DGKG: variants seen among roughly 807,000 people sequenced by gnomAD.
The protein encoded by DGKG is DAG kinase gamma.
A neutral mutation model predicts 105.3 loss-of-function variants in DGKG; 78 were observed. The observed-to-expected ratio is 0.74, with a 90% CI of 0.62 to 0.89. DGKG has a LOEUF of 0.89. Ranked by LOEUF, DGKG falls within the 40% of genes least tolerant of loss-of-function variation. The pLI is 0.00. For synonymous variants in DGKG, 346 were observed against 367.1 expected (o/e 0.94, Z 0.66); for missense variants, 958 against 1,020.1 (o/e 0.94, Z 0.83).
rs759822125 is a variant in DGKG at position 186,267,773 on chromosome 3, T to A, written c.1121A>T (p.His374Leu). 6.2e-7 allele frequency: 1 copy of A among 1,613,286 alleles called. No homozygotes were observed. The highest frequency in any genetic ancestry group is 1.3e-5 in the African/African-American group (1 of 74,748). Residue 374 changes from histidine (H) to leucine (L), a missense_variant, in exon 13 of 25, where the codon CAC (histidine) becomes CTC (leucine). Around this residue, in one of 2 missense-constraint regions of DGKG, gnomAD observed 643 missense variants for 619.5 expected, o/e 1.04. Transcript: ENST00000265022. ...CAACGTTGATAATTCACATTTGCGG[T>A]GAAACTGGGGGGAGAAATGAAAAAG... The part of the protein sequence containing the change: ...RHCVWCRMTF[H>L]RKCELSTLCD...
At chr3:186,297,582 T>C in intron 4 of DGKG, 99 bp from the exon 5 acceptor site, 1 of 825,916 alleles carries the variant, frequency 1.2e-6, no homozygotes, top group Non-Finnish European at 2.1e-6. Context: ...TTGCCTTGAT[T>C]GTGTCTGTGT....
At chr3:186,275,769 G>T in intron 9 of DGKG, 105 bp from the exon 10 acceptor site, 1 of 693,320 alleles carries the variant, frequency 1.4e-6, no homozygotes, top group Non-Finnish European at 2.3e-6. Flanking sequence ...TTTAGAAGAT[G>T]AGTTATTGAT....
intron 2 of DGKG, among the ~76,000 whole-genome samples, chr3:186,308,758 C>A (rs1294085394): frequency 6.6e-6 from 1 of 152,204 alleles, no homozygotes; most frequent in Non-Finnish European, 1.5e-5. Context: ...TGCTTCCATT[C>A]AATTCAGAAA....
At chr3:186,214,788 T>C (rs1719198142) in intron 20 of DGKG, among the ~76,000 whole-genome samples, 1 of 152,182 alleles carries the variant, frequency 6.6e-6, no homozygotes, top group Admixed American at 6.5e-5. Context: ...AAGGTGTGCC[T>C]GGTACAACAA....
chr3:186,215,918 C>G (rs189128520), intron 20 of DGKG, among the ~76,000 whole-genome samples: 4 of 151,762 alleles, frequency 2.6e-5, no homozygotes, highest in Non-Finnish European at 5.9e-5. Flanking sequence ...TTATGGACCC[C>G]TACTATGGGC....
At chr3:186,333,075 T>C (rs1385168602) in intron 1 of DGKG, among the ~76,000 whole-genome samples, 2 of 152,188 alleles carry the variant, frequency 1.3e-5, no homozygotes, top group Admixed American at 6.5e-5. Context: ...TCCTTTTCTC[T>C]GTAAGTTACC....
intron 2 of DGKG, chr3:186,313,701 T>C (rs1716291183): frequency 6.0e-6 from 1 of 167,368 alleles, no homozygotes; most frequent in African/African-American, 2.4e-5. Flanking sequence ...ACATTAAACA[T>C]TGAGAGCTAT....
chr3:186,287,547 A>G (rs1723126755), intron 6 of DGKG, among the ~76,000 whole-genome samples: 1 of 152,232 alleles, frequency 6.6e-6, no homozygotes, highest in Non-Finnish European at 1.5e-5. Flanking sequence ...TTGGAGAGTC[A>G]TTAATATAAA....
In DGKG at chr3:186,261,658, G is replaced by T. The variant is rs779965638; in HGVS notation, c.1349+41C>A. 4 of 1,415,148 alleles carry T rather than the reference G, an allele frequency of 2.8e-6. No individual in the cohort carries two copies. The South Asian group carries it at 4.8e-5, about 17-fold the overall frequency. 87.7% of individuals were successfully genotyped at this position (1,415,148 alleles called of 1,614,324 possible). On this transcript the variant is annotated intron_variant, in intron 15 of 24. Transcript: ENST00000265022. ...CAAGGGGAGGAAGGGCCTGAGTCGT[G>T]TCGCCCTAGTTGCTCCACTTTGAAA...
At chr3:186,295,869 A>G (rs906433207) in intron 5 of DGKG, among the ~76,000 whole-genome samples, 3 of 152,102 alleles carry the variant, frequency 2.0e-5, no homozygotes, top group Non-Finnish European at 4.4e-5. Flanking sequence ...CTGTAATCCC[A>G]GCGCTTTTGG....
chr3:186,303,018 GA>G (rs1435764419), intron 3 of DGKG, among the ~76,000 whole-genome samples: 1 of 152,100 alleles, frequency 6.6e-6, no homozygotes, highest in Non-Finnish European at 1.5e-5. Flanking sequence ...GCAGCAGAGT[GA>G]AACCAGAAGC....
At chr3:186,292,903 TAC>T (rs113256809) in intron 5 of DGKG, among the ~76,000 whole-genome samples, 30 of 152,192 alleles carry the variant, frequency 2.0e-4, no homozygotes, top group African/African-American at 7.0e-4. Flanking sequence ...ACAAGGAGAT[TAC>T]ACACACACAC....
At chr3:186,297,526 T>G (rs3819858) in intron 4 of DGKG, 43 bp from the exon 5 acceptor site, 2 of 1,428,892 alleles carry the variant, frequency 1.4e-6, no homozygotes, top group Non-Finnish European at 2.0e-6. Flanking sequence ...CCAGGCCCTC[T>G]AGCTTCTTGG....
At chr3:186,179,873 C>T (rs1047445611) in intron 22 of DGKG, among the ~76,000 whole-genome samples, 3 of 152,332 alleles carry the variant, frequency 2.0e-5, no homozygotes, top group Admixed American at 6.5e-5. Context: ...CCTGGCACAG[C>T]GCACGCCAGC....
chr3:186,149,474 A>G lies in DGKG; in HGVS notation c.*616T>C. 1 of 985,442 alleles carries G rather than the reference A, an allele frequency of 1.0e-6. No individual in the cohort carries two copies. The highest frequency in any genetic ancestry group is 1.2e-6 in the Non-Finnish European group (1 of 829,940). The allele number at this position is 985,442 out of a possible 1,614,324, so 61.0% of individuals were successfully genotyped here. A position where few individuals can be genotyped will look rare whatever the true frequency, so the allele number is the denominator to read the frequency against. ...CCACCGACGGCGCAGAAACCCAAGAATGGAAATACAGCTTTCCACAGCCTT... is the reference window on the plus strand; with the variant it reads ...CCACCGACGGCGCAGAAACCCAAGAGTGGAAATACAGCTTTCCACAGCCTT... On this transcript the variant is annotated 3_prime_UTR_variant, in exon 25 of 25. Transcript: ENST00000265022.
At chr3:186,281,651 A>G (rs1722834632) in intron 7 of DGKG, among the ~76,000 whole-genome samples, 1 of 152,202 alleles carries the variant, frequency 6.6e-6, no homozygotes, top group Non-Finnish European at 1.5e-5. Flanking sequence ...AAAACAATCC[A>G]TTGCAAAACT....
At chr3:186,185,682 T>A (rs1349771281) in intron 22 of DGKG, among the ~76,000 whole-genome samples, 1 of 152,102 alleles carries the variant, frequency 6.6e-6, no homozygotes, top group Non-Finnish European at 1.5e-5. Context: ...TGATACAACC[T>A]TCAATGCTTC....
chr3:186,355,471 C>T (rs558927353), intron 1 of DGKG, among the ~76,000 whole-genome samples: 4 of 147,680 alleles, frequency 2.7e-5, no homozygotes, highest in Non-Finnish European at 4.5e-5. Context: ...TATCATAACC[C>T]CCACAACCAC....
At chr3:186,269,910 C>A (rs929610108) in intron 11 of DGKG, among the ~76,000 whole-genome samples, 1 of 152,158 alleles carries the variant, frequency 6.6e-6, no homozygotes, top group Non-Finnish European at 1.5e-5. Flanking sequence ...CTAGTAGCCC[C>A]ACTGTCTGGG....
Sources: gnomAD v4.1 joint callset for allele counts (sites outside exome capture counted in the v4.1 genomes callset) on GRCh38, gnomAD v4.1.1 for gene constraint, gnomAD v4.1.1 regional missense constraint, MANE v1.5 for transcripts, NCBI Gene and HGNC (gene_info 2026-07-23, HGNC 2026-07-21) for gene names.